Variants in ADCY1 observed in about 807,000 individuals in gnomAD.
ADCY1 encodes the protein adenylate cyclase type 1.
In ADCY1, 28 loss-of-function variants were observed where a neutral mutation model predicts 105.4. The ratio of observed to expected loss-of-function variants is 0.27; its 90% CI spans 0.20 to 0.36. The LOEUF (loss-of-function observed/expected upper bound fraction) is 0.36. ADCY1 is among the 10% of genes least tolerant of loss of function. The pLI is 1.00. For missense variants in ADCY1, 977 were observed against 1,434.2 expected, an observed-to-expected ratio of 0.68 and a Z score of 5.15; for synonymous variants, 655 against 623.8, an observed-to-expected ratio of 1.05 and a Z score of -0.75.
chr7:45,657,916 G>GGGGGGGGGGGGGGGC, intron 6 of ADCY1, 31 bp downstream of exon 6: 1 of 502,918 alleles, frequency 2.0e-6, no homozygotes, highest in East Asian at 5.5e-5. Flanking sequence ...GGAGGGGAGG[G>GGGGGGGGGGGGGGGC]AGGTGGGTGA....
chr7:45,721,994 C>G lies in ADCY1; in HGVS notation c.*7999C>G. On this transcript the variant is annotated 3_prime_UTR_variant, in exon 20 of 20. Coordinates refer to ENST00000297323, the MANE Select transcript of ADCY1 (RefSeq NM_021116.4). ...AGGACTGTGCAACAGTAGCCCAGAG[C>G]ATCCTGCCTGTGGGCATCCACCTCC... is the stretch of plus-strand genomic sequence containing the variant. 1 of 395,288 alleles carries G rather than the reference C, an allele frequency of 2.5e-6. No homozygotes were observed. Among genetic ancestry groups the G allele is most frequent in the Non-Finnish European group, 4.5e-6 (1 of 224,210 alleles). The allele number at this position is 395,288 out of a possible 1,614,324, so 24.5% of individuals were successfully genotyped here. A position where few individuals can be genotyped will look rare whatever the true frequency, so the allele number is the denominator to read the frequency against.
intron 3 of ADCY1, 136 bp from the exon 4 acceptor site, chr7:45,622,496 A>G (rs1793929740): frequency 3.1e-6 from 2 of 652,866 alleles, no homozygotes; most frequent in South Asian, 1.9e-5. Flanking sequence ...GGAAGCCTTC[A>G]TTTCTGGTCT....
intron 3 of ADCY1, among the ~76,000 whole-genome samples, chr7:45,610,844 G>A (rs1793546404): frequency 6.9e-6 from 1 of 144,772 alleles, no homozygotes; most frequent in African/African-American, 2.6e-5. Flanking sequence ...AGGTGTGGAG[G>A]CGATATTGGA....
intron 2 of ADCY1, among the ~76,000 whole-genome samples, chr7:45,605,254 A>G (rs77217192): frequency 0.11 from 16,934 of 152,058 alleles, 1,031 homozygotes; most frequent in African/African-American, 0.17. Context: ...TGTAACATCC[A>G]TTGTATTTCC....
intron 5 of ADCY1, among the ~76,000 whole-genome samples, chr7:45,649,147 G>A (rs951893545): frequency 6.6e-6 from 1 of 152,204 alleles, no homozygotes; most frequent in African/African-American, 2.4e-5. Context: ...CAATCTAGCT[G>A]AATTCTCTAT....
rs771646395 is a variant in ADCY1 at position 45,713,902 on chromosome 7, G to A, written c.3267G>A (p.Val1089=). ...GCCTTCAGGGCAGACGTCCCCCCGT[G>A]TGCCCCATGCCTGGCGTCTCAGTCA... ...RAGLQGRRPP[V]CPMPGVSVRA... is the part of the protein sequence containing the mutation. The change falls in exon 20 of 20, where the codon GTG becomes GTA. Residue 1089 remains valine, a synonymous_variant. Coordinates refer to ENST00000297323, the MANE Select transcript of ADCY1 (RefSeq NM_021116.4). 1 of 780,648 alleles carries A rather than the reference G, an allele frequency of 1.3e-6. No homozygotes were observed. The highest frequency in any genetic ancestry group is 1.3e-5 in the South Asian group (1 of 74,630). The allele number at this position is 780,648 out of a possible 1,614,324, so 48.4% of individuals were successfully genotyped here. A position where few individuals can be genotyped will look rare whatever the true frequency, so the allele number is the denominator to read the frequency against.
chr7:45,697,892 C>T (rs534311105), intron 14 of ADCY1, among the ~76,000 whole-genome samples: 121 of 152,262 alleles, frequency 7.9e-4, no homozygotes, highest in Admixed American at 1.6e-3. Flanking sequence ...CATTCACCAC[C>T]GCCGGTCCCA....
At chr7:45,621,669 C>T (rs557046799) in intron 3 of ADCY1, among the ~76,000 whole-genome samples, 1 of 152,298 alleles carries the variant, frequency 6.6e-6, no homozygotes, top group Non-Finnish European at 1.5e-5. Flanking sequence ...TCCCTGCCTG[C>T]TGGCCCATCT....
chr7:45,675,495 C>G (rs1784439549), intron 8 of ADCY1, among the ~76,000 whole-genome samples: 1 of 152,044 alleles, frequency 6.6e-6, no homozygotes, highest in Non-Finnish European at 1.5e-5. Context: ...TTCCAACATT[C>G]CTTCTTTTAC....
chr7:45,636,513 T>C (rs1692055317), intron 4 of ADCY1, among the ~76,000 whole-genome samples: 1 of 152,176 alleles, frequency 6.6e-6, no homozygotes, highest in Non-Finnish European at 1.5e-5. Context: ...CTGTGTCTTA[T>C]TCCATCCTTT....
chr7:45,644,499 A>T (rs1267971583), intron 4 of ADCY1, among the ~76,000 whole-genome samples: 1 of 152,242 alleles, frequency 6.6e-6, no homozygotes, highest in Non-Finnish European at 1.5e-5. Flanking sequence ...GGAGCAAATC[A>T]GGAGACTTTC....
intron 4 of ADCY1, among the ~76,000 whole-genome samples, chr7:45,634,567 C>A (rs1014716476): frequency 1.3e-5 from 2 of 152,060 alleles, no homozygotes; most frequent in African/African-American, 4.8e-5. Flanking sequence ...TTTAAACATC[C>A]TTTTGTTCCT....
At chr7:45,629,164 A>C (rs1436131144) in intron 4 of ADCY1, among the ~76,000 whole-genome samples, 2 of 152,232 alleles carry the variant, frequency 1.3e-5, no homozygotes, top group African/African-American at 4.8e-5. Flanking sequence ...CACTACAAAT[A>C]AGTTGGAATT....
At chr7:45,677,734 G>A in intron 8 of ADCY1, 135 bp from the exon 9 acceptor site, 3 of 925,732 alleles carry the variant, frequency 3.2e-6, no homozygotes, top group Non-Finnish European at 4.9e-6. Context: ...GCAGGGCAGA[G>A]TCATGATTAT....
chr7:45,681,308 C>T (rs1237594607), intron 11 of ADCY1, among the ~76,000 whole-genome samples: 1 of 152,120 alleles, frequency 6.6e-6, no homozygotes, highest in East Asian at 1.9e-4. Flanking sequence ...GGAGGCTAGC[C>T]TGCAGTTATC....
chr7:45,644,725 G>A (rs964033250), intron 4 of ADCY1, among the ~76,000 whole-genome samples: 4 of 152,160 alleles, frequency 2.6e-5, no homozygotes, highest in Non-Finnish European at 5.9e-5. Context: ...CTTTATTGCA[G>A]TGGACTCTAG....
At chr7:45,694,859 C>T (rs1784850802) in intron 14 of ADCY1, among the ~76,000 whole-genome samples, 1 of 152,248 alleles carries the variant, frequency 6.6e-6, no homozygotes, top group Non-Finnish European at 1.5e-5. Context: ...GAACAATTCT[C>T]AGCATTGCAT....
intron 2 of ADCY1, among the ~76,000 whole-genome samples, chr7:45,609,508 G>A (rs557370683): frequency 3.9e-5 from 6 of 152,356 alleles, no homozygotes; most frequent in Admixed American, 1.3e-4. Context: ...GCCTGTTTCC[G>A]CGCTTGTCAG....
intron 4 of ADCY1, among the ~76,000 whole-genome samples, chr7:45,646,718 G>A (rs1028648713): frequency 6.6e-6 from 1 of 152,218 alleles, no homozygotes; most frequent in Non-Finnish European, 1.5e-5. Flanking sequence ...AGCTCAGCCT[G>A]CTGGGGGATG....
Sources: allele counts gnomAD v4.1 joint callset (sites outside exome capture counted in the v4.1 genomes callset), GRCh38; gene constraint gnomAD v4.1.1; transcripts MANE v1.5; gene names NCBI Gene and HGNC (gene_info 2026-07-23, HGNC 2026-07-21).